The following ZFR variants were observed in gnomAD, a reference collection of about 807,000 sequenced individuals.
ZFR encodes the protein zinc finger RNA binding protein.
ZFR carries 19 observed loss-of-function variants against 130.7 expected under a neutral mutation model. The observed-to-expected ratio is 0.15, with a 90% CI of 0.10 to 0.21. ZFR has a LOEUF of 0.21. Among genes scored for constraint, ZFR ranks in the 10% least tolerant of loss-of-function variants. ZFR has a pLI of 1.00. For synonymous variants in ZFR, 466 were observed against 456.9 expected, an observed-to-expected ratio of 1.02 and a Z score of -0.25; for missense variants, 872 against 1,321.5, an observed-to-expected ratio of 0.66 and a Z score of 5.27.
At chr5:32,431,827 T>C (rs1754231401) in intron 2 of ZFR, among the ~76,000 whole-genome samples, 1 of 151,752 alleles carries the variant, frequency 6.6e-6, no homozygotes, top group Admixed American at 6.6e-5. Flanking sequence ...AAAGCAACTT[T>C]ATTCTTTTTG....
At position 32,403,162 on chromosome 5, in the gene ZFR, G is replaced by A; in HGVS notation, c.1460C>T (p.Ala487Val). 1.2e-6 allele frequency: 2 copies of A among 1,614,200 alleles called. No individual in the cohort carries two copies. Residue 487 changes from alanine to valine, a missense_variant, in exon 8 of 20, where the codon GCA becomes GTA. By Grantham distance (64) the Ala-to-Val change is moderately conservative (BLOSUM62 0). Transcript: ENST00000265069. Reference sequence around the variant, plus strand: ...CTTGGCAGCCATATTTGTAGGCACTGCTGATACTTTAGTGTTAGATGTGCT... The same window carrying A: ...CTTGGCAGCCATATTTGTAGGCACTACTGATACTTTAGTGTTAGATGTGCT... ...LNSTSNTKVS[A>V]VPTNMAAKKT... is the part of the protein sequence containing the mutation.
intron 2 of ZFR, among the ~76,000 whole-genome samples, chr5:32,438,511 C>T (rs1349345240): frequency 6.6e-6 from 1 of 152,054 alleles, no homozygotes; most frequent in Admixed American, 6.5e-5. Flanking sequence ...GATCTGCCCA[C>T]CTCGGCCTCC....
At chr5:32,364,361 T>G (rs1752495637) in intron 17 of ZFR, 86 bp from the exon 18 acceptor site, 18 of 1,018,048 alleles carry the variant, frequency 1.8e-5, no homozygotes, top group Non-Finnish European at 2.3e-5. Context: ...CTGAAAAAAT[T>G]TTAAAGACTG....
At chr5:32,412,421 G>A (rs1230389473) in intron 5 of ZFR, among the ~76,000 whole-genome samples, 1 of 152,108 alleles carries the variant, frequency 6.6e-6, no homozygotes, top group Non-Finnish European at 1.5e-5. Context: ...TAAAAATAAG[G>A]AACTGTTCTA....
rs763382284 is a variant in ZFR, at chr5:32,415,011, T to C, written c.742A>G (p.Thr248Ala). Reference sequence around the variant, plus strand: ...GTGGTACTGTAAGTAGCACTCTGAGTATAGGATGGCACCACAGTAGCCGCA... The same window carrying C: ...GTGGTACTGTAAGTAGCACTCTGAGCATAGGATGGCACCACAGTAGCCGCA... ...AAAATVVPSY[T>A]QSATYSTTAV... The change falls in exon 5 of 20, where the codon ACT (threonine) becomes GCT (alanine). Residue 248 changes from threonine to alanine, a missense_variant. Physicochemically the swap from Thr to Ala is moderately conservative, Grantham distance 58. Around this residue, in one of 7 missense-constraint regions of ZFR, gnomAD observed 240 missense variants for 441.2 expected, o/e 0.54. Transcript: ENST00000265069. 1.9e-6 allele frequency: 3 copies of C among 1,613,940 alleles called. No individual in the cohort carries two copies. Among genetic ancestry groups the C allele is most frequent in the Non-Finnish European group, 2.5e-6 (3 of 1,179,920 alleles).
At position 32,385,499 on chromosome 5, in the gene ZFR, C is replaced by T; in HGVS notation, c.2641+9G>A. The T allele has an allele frequency of 1.9e-6, 3 of 1,611,372 alleles. No homozygotes were observed. Among genetic ancestry groups the T allele is most frequent in the South Asian group, 1.1e-5 (1 of 90,662 alleles). The stretch of plus-strand genomic sequence containing the variant: ...TAATAGAAAGTAGAAAGTTTAATGG[C>T]TTTCCAACCTCCTTCCCTCATGTTC... On this transcript the variant is annotated intron_variant, in intron 15 of 19. Transcript: ENST00000265069.
chr5:32,444,148 G>C lies in ZFR; in HGVS notation c.137+81C>G, dbSNP rs1029603028. On this transcript the variant is annotated intron_variant, in intron 2 of 19. Coordinates refer to ENST00000265069, the MANE Select transcript of ZFR (RefSeq NM_016107.5). ...CCGGGGCTCTGGGATGGCTGGGGAC[G>C]GGCGCGGGGGCGTCGCATCGACAGG... 9 of 1,482,034 alleles carry C rather than the reference G, an allele frequency of 6.1e-6. No individual in the cohort carries two copies. In the African/African-American group the frequency reaches 8.6e-5, roughly 14 times the overall value. 91.8% of individuals were successfully genotyped at this position (1,482,034 alleles called of 1,614,324 possible). A position where few individuals can be genotyped will look rare whatever the true frequency, so the allele number is the denominator to read the frequency against.
intron 5 of ZFR, among the ~76,000 whole-genome samples, chr5:32,411,294 C>T (rs1335123542): frequency 2.6e-5 from 4 of 152,184 alleles, no homozygotes; most frequent in African/African-American, 9.7e-5. Flanking sequence ...AAATTTAAAA[C>T]TGTGTGAGCC....
Position 32,417,718 on chromosome 5 carries a change from T to C in ZFR, c.495A>G (p.Thr165=), listed in dbSNP as rs139089422. 8.7e-5 allele frequency: 141 copies of C among 1,613,880 alleles called. No individual in the cohort carries two copies. Among genetic ancestry groups the C allele is most frequent in the Non-Finnish European group, 1.0e-4 (121 of 1,179,892 alleles). Residue 165 remains threonine, a synonymous_variant, in exon 4 of 20, where the codon ACA becomes ACG. Coordinates refer to ENST00000265069, the MANE Select transcript of ZFR (RefSeq NM_016107.5). ...CGGCAGCTACAGCAGCAGCAGTTGC[T>C]GTTGGTTGTTGGTAGTATTGCTTAC... ...YDSKQYYQQP[T]ATAAAVAAAA... is the part of the protein sequence containing the mutation.
Position 32,355,704 on chromosome 5 carries a change from A to G in ZFR, c.*56T>C. 1 of 1,458,506 alleles carries G rather than the reference A, an allele frequency of 6.9e-7. No homozygotes were observed. Among genetic ancestry groups the G allele is most frequent in the Non-Finnish European group, 9.2e-7 (1 of 1,091,304 alleles). 90.3% of individuals were successfully genotyped at this position (1,458,506 alleles called of 1,614,324 possible). On this transcript the variant is annotated 3_prime_UTR_variant, in exon 20 of 20. Coordinates refer to ENST00000265069, the MANE Select transcript of ZFR (RefSeq NM_016107.5). Reference sequence around the variant, plus strand: ...CAATGTAGACATTATTATGAATGAAAAACAGCCAACAAATGGGCATCTGTT... The same window carrying G: ...CAATGTAGACATTATTATGAATGAAGAACAGCCAACAAATGGGCATCTGTT...
At chr5:32,437,097 G>GTC (rs1561929458) in intron 2 of ZFR, among the ~76,000 whole-genome samples, 1 of 152,182 alleles carries the variant, frequency 6.6e-6, no homozygotes, top group Non-Finnish European at 1.5e-5. Context: ...CCAGATATTT[G>GTC]TCTTGGCTCA....
At chr5:32,432,059 G>A (rs1027347933) in intron 2 of ZFR, among the ~76,000 whole-genome samples, 1 of 151,130 alleles carries the variant, frequency 6.6e-6, no homozygotes, top group East Asian at 1.9e-4. Flanking sequence ...TGGTATAAGC[G>A]TGGCTCACTG....
intron 2 of ZFR, among the ~76,000 whole-genome samples, chr5:32,435,987 A>T (rs779563109): frequency 1.3e-5 from 2 of 152,078 alleles, no homozygotes; most frequent in Non-Finnish European, 2.9e-5. Flanking sequence ...TAACTTGATA[A>T]CTGTACTAAA....
At chr5:32,444,580 G>C in intron 1 of ZFR, 42 bp downstream of exon 1, 19 of 1,457,874 alleles carry the variant, frequency 1.3e-5, no homozygotes, top group Non-Finnish European at 1.6e-5. Context: ...CGGGGCCAGG[G>C]AGGGGGCCGG....
intron 3 of ZFR, 143 bp downstream of exon 3, chr5:32,419,677 AG>A (rs1445917054): frequency 2.8e-6 from 4 of 1,413,930 alleles, no homozygotes; most frequent in Non-Finnish European, 3.7e-6. Flanking sequence ...CAAACTACCA[AG>A]GAATACTCAT....
Position 32,417,734 on chromosome 5 carries a change from T to C in ZFR, c.479A>G (p.Tyr160Cys). The change falls in exon 4 of 20, where the codon TAC becomes TGC. Residue 160 changes from tyrosine (Y) to cysteine (C), a missense_variant. Physicochemically the swap from Tyr to Cys is radical, Grantham distance 194. Around this residue, in one of 7 missense-constraint regions of ZFR, gnomAD observed 240 missense variants for 441.2 expected, o/e 0.54. Coordinates refer to ENST00000265069, the MANE Select transcript of ZFR (RefSeq NM_016107.5). ...APAVAYDSKQ[Y>C]YQQPTATAAA... ...AGCAGTTGCTGTTGGTTGTTGGTAG[T>C]ATTGCTTACTATCATAAGCTACAGC... The C allele has an allele frequency of 1.2e-6, 2 of 1,613,980 alleles. No homozygotes were observed. Among genetic ancestry groups the C allele is most frequent in the Non-Finnish European group, 1.7e-6 (2 of 1,179,870 alleles).
At chr5:32,440,841 A>G (rs1222572031) in intron 2 of ZFR, among the ~76,000 whole-genome samples, 1 of 152,238 alleles carries the variant, frequency 6.6e-6, no homozygotes, top group African/African-American at 2.4e-5. Context: ...AGGTCTTTAC[A>G]TCTTAAAGAA....
Position 32,444,676 on chromosome 5 carries a change from G to A in ZFR, c.-18C>T. The A allele has an allele frequency of 1.3e-6, 2 of 1,508,412 alleles. No individual in the cohort carries two copies. Among genetic ancestry groups the A allele is most frequent in the Non-Finnish European group, 1.8e-6 (2 of 1,128,318 alleles). The allele number at this position is 1,508,412 out of a possible 1,614,324, so 93.4% of individuals were successfully genotyped here. ...GGAATCATGGGCTCGGGCTGCTGCT[G>A]CTGAACTCTGAACTCTCACCCGCTG... On this transcript the variant is annotated 5_prime_UTR_variant, in exon 1 of 20. Coordinates refer to ENST00000265069, the MANE Select transcript of ZFR (RefSeq NM_016107.5).
chr5:32,404,464 G>T (rs925949854), intron 6 of ZFR, among the ~76,000 whole-genome samples: 9 of 152,162 alleles, frequency 5.9e-5, no homozygotes, highest in African/African-American at 2.2e-4. Flanking sequence ...AGATGAGGCG[G>T]GGGAGATGTG....
Sources: gnomAD v4.1 joint callset for allele counts (sites outside exome capture counted in the v4.1 genomes callset) on GRCh38, gnomAD v4.1.1 for gene constraint, gnomAD v4.1.1 regional missense constraint, MANE v1.5 for transcripts, NCBI Gene and HGNC (gene_info 2026-07-23, HGNC 2026-07-21) for gene names.